ANO10: variants seen among roughly 807,000 people sequenced by gnomAD.
The protein encoded by ANO10 is anoctamin 10, also known as anoctamin-10.
ANO10 carries 77 observed loss-of-function variants against 74.7 expected under a neutral mutation model. The ratio of observed to expected loss-of-function variants is 1.03; its 90% CI spans 0.86 to 1.25. The LOEUF (loss-of-function observed/expected upper bound fraction) is 1.25, where lower values mean the gene tolerates loss of function less well. Ranked by LOEUF, ANO10 falls within the 50% of genes most tolerant of loss-of-function variation. The pLI is 0.00. For synonymous variants in ANO10, 279 were observed against 284.9 expected, an observed-to-expected ratio of 0.98 and a Z score of 0.21; for missense variants, 721 against 778.1, an observed-to-expected ratio of 0.93 and a Z score of 0.87.
At chr3:43,430,435 A>C (rs1297052457) in intron 12 of ANO10, among the ~76,000 whole-genome samples, 1 of 152,032 alleles carries the variant, frequency 6.6e-6, no homozygotes, top group Admixed American at 6.6e-5. Flanking sequence ...TAAATCTGTC[A>C]ACCTTGAATT....
intron 12 of ANO10, among the ~76,000 whole-genome samples, chr3:43,368,169 A>G (rs1393713100): frequency 1.3e-5 from 2 of 152,066 alleles, no homozygotes; most frequent in African/African-American, 4.8e-5. Flanking sequence ...AGCCCTCTGC[A>G]TTTGGCTTGG....
At chr3:43,677,822 G>C (rs1375795330) in intron 1 of ANO10, among the ~76,000 whole-genome samples, 2 of 152,222 alleles carry the variant, frequency 1.3e-5, no homozygotes, top group Non-Finnish European at 2.9e-5. Flanking sequence ...AGAGGGAATA[G>C]ATGAATTGGT....
At chr3:43,684,930 G>A (rs2084255609) in intron 1 of ANO10, among the ~76,000 whole-genome samples, 1 of 152,136 alleles carries the variant, frequency 6.6e-6, no homozygotes, top group Non-Finnish European at 1.5e-5. Flanking sequence ...GGGGCCTGTT[G>A]TGGGGTCGGG....
chr3:43,457,712 C>T (rs1311222443), intron 11 of ANO10, among the ~76,000 whole-genome samples: 2 of 152,200 alleles, frequency 1.3e-5, no homozygotes, highest in East Asian at 3.8e-4. Flanking sequence ...ACTCCTAATT[C>T]ATTACAAGCT....
chr3:43,571,615 C>G (rs2080721863), intron 7 of ANO10, among the ~76,000 whole-genome samples: 1 of 149,996 alleles, frequency 6.7e-6, no homozygotes. Flanking sequence ...TATTCTCACT[C>G]ATAGGTGGGA....
In ANO10 at chr3:43,428,796, C is replaced by CAAAAAAAAAAAAAAA. The variant is rs56213626; in HGVS notation, c.1914+3800_1914+3814dup. ...CCAAAATCCTGAAACTTTGTGAATG[C>CAAAAAAAAAAAAAAA]AAAAAAAAAAAAAAAAAAAAAAGTC... is the stretch of plus-strand genomic sequence containing the variant. On this transcript the variant is annotated intron_variant, in intron 12 of 12. Transcript: ENST00000292246. 1.1e-3 allele frequency among the ~76,000 whole-genome samples: 63 copies of CAAAAAAAAAAAAAAA among 55,442 alleles called. 17 individuals are homozygous for CAAAAAAAAAAAAAAA. Among genetic ancestry groups the CAAAAAAAAAAAAAAA allele is most frequent in the Non-Finnish European group, 1.5e-3 (48 of 31,072 alleles). 36.4% of individuals were successfully genotyped at this position (55,442 alleles called of 152,430 possible).
chr3:43,574,193 G>A (rs2080884756), intron 7 of ANO10, among the ~76,000 whole-genome samples: 1 of 150,550 alleles, frequency 6.6e-6, no homozygotes, highest in East Asian at 2.0e-4. Flanking sequence ...GGCCTCAAGT[G>A]ATCCACCTGC....
intron 12 of ANO10, among the ~76,000 whole-genome samples, chr3:43,394,975 T>G (rs2148855241): frequency 6.6e-6 from 1 of 152,286 alleles, no homozygotes; most frequent in Admixed American, 6.5e-5. Context: ...TTTTCTTATT[T>G]TAGGAAACTA....
intron 11 of ANO10, among the ~76,000 whole-genome samples, chr3:43,463,610 T>G (rs2075484975): frequency 6.6e-6 from 1 of 152,220 alleles, no homozygotes; most frequent in African/African-American, 2.4e-5. Flanking sequence ...TTCTCCCATT[T>G]GGAATGGCTG....
chr3:43,443,535 G>A (rs1033970140), intron 11 of ANO10, among the ~76,000 whole-genome samples: 1 of 152,010 alleles, frequency 6.6e-6, no homozygotes. Flanking sequence ...GGGGGTATTG[G>A]TTTCTGAGTC....
At chr3:43,521,683 C>T (rs1389280768) in intron 11 of ANO10, among the ~76,000 whole-genome samples, 2 of 152,132 alleles carry the variant, frequency 1.3e-5, no homozygotes, top group Admixed American at 6.6e-5. Flanking sequence ...AACCCTCGTA[C>T]GTTGCTGATG....
intron 12 of ANO10, among the ~76,000 whole-genome samples, chr3:43,414,966 GCTT>G: frequency 1.1e-5 from 1 of 87,100 alleles, no homozygotes. Context: ...CTGTCATTGT[GCTT>G]TTTTTTTTTT....
chr3:43,448,934 C>G (rs369769679), intron 11 of ANO10, among the ~76,000 whole-genome samples: 1 of 146,830 alleles, frequency 6.8e-6, no homozygotes, highest in Non-Finnish European at 1.5e-5. Context: ...CGCAGTGGTG[C>G]GATCTCGGCT....
chr3:43,417,587 C>T (rs2092760435), intron 12 of ANO10, among the ~76,000 whole-genome samples: 1 of 152,138 alleles, frequency 6.6e-6, no homozygotes, highest in Non-Finnish European at 1.5e-5. Context: ...CTAAACTCCT[C>T]GCGTGTGTTC....
chr3:43,438,652 CAGG>C (rs755660854), intron 11 of ANO10, among the ~76,000 whole-genome samples: 1 of 151,892 alleles, frequency 6.6e-6, no homozygotes, highest in African/African-American at 2.4e-5. Flanking sequence ...GAAGCTGATG[CAGG>C]AGAATTGCTT....
At chr3:43,615,075 A>T (rs1243862967) in intron 1 of ANO10, among the ~76,000 whole-genome samples, 1 of 151,542 alleles carries the variant, frequency 6.6e-6, no homozygotes, top group African/African-American at 2.4e-5. Flanking sequence ...ATATAAATAT[A>T]CATAATAAAT....
At chr3:43,584,477 G>A (rs191235072) in intron 4 of ANO10, among the ~76,000 whole-genome samples, 292 of 152,310 alleles carry the variant, frequency 1.9e-3, no homozygotes, top group South Asian at 9.9e-3. Context: ...ACGCAGCTGT[G>A]TATGGGAGCC....
chr3:43,593,583 C>A lies in ANO10; in HGVS notation c.472+4949G>T, dbSNP rs538393649. Among the ~76,000 whole-genome samples the A allele has an allele frequency of 2.6e-5, 4 of 152,290 alleles. No homozygotes were observed. In the South Asian group the frequency reaches 8.3e-4, roughly 32 times the overall value. On this transcript the variant is annotated intron_variant, in intron 4 of 12. Transcript: ENST00000292246. ...CTGAAAGATTTTGTCACCACCAGGC[C>A]TGCCCTAAAAGGGCTCCTGAAGGAA...
At chr3:43,587,729 G>A (rs2081544091) in intron 4 of ANO10, among the ~76,000 whole-genome samples, 1 of 152,072 alleles carries the variant, frequency 6.6e-6, no homozygotes. Flanking sequence ...CATCCCATAA[G>A]ATCTCCTGCT....
Sources: allele counts gnomAD v4.1 joint callset (sites outside exome capture counted in the v4.1 genomes callset), GRCh38; gene constraint gnomAD v4.1.1; transcripts MANE v1.5; gene names NCBI Gene and HGNC (gene_info 2026-07-23, HGNC 2026-07-21).